TP63: variants seen among roughly 807,000 people sequenced by gnomAD.
TP63 encodes the protein tumor protein p63.
TP63 carries 17 observed loss-of-function variants against 82.8 expected under a neutral mutation model. That is an observed-to-expected ratio of 0.21 (90% CI 0.14 to 0.31). TP63 has a LOEUF of 0.31. Ranked by LOEUF, TP63 falls within the 10% of genes least tolerant of loss-of-function variation. The pLI is 1.00. For synonymous variants in TP63, 330 were observed against 321.7 expected, an observed-to-expected ratio of 1.03 and a Z score of -0.28; for missense variants, 648 against 895.3, an observed-to-expected ratio of 0.72 and a Z score of 3.52.
At chr3:189,671,051 AC>A (rs1212916095) in intron 1 of TP63, among the ~76,000 whole-genome samples, 3 of 152,048 alleles carry the variant, frequency 2.0e-5, no homozygotes, top group Non-Finnish European at 4.4e-5. Flanking sequence ...AAACTAAAAA[AC>A]TTGTGCACAG....
chr3:189,614,686 T>G, the TP63 span, among the ~76,000 whole-genome samples: 1 of 152,238 alleles, frequency 6.6e-6, no homozygotes, highest in African/African-American at 2.4e-5. Flanking sequence ...CAGAGGCTCA[T>G]GTGGAGTACA....
chr3:189,867,512 C>G (rs1348311232), intron 6 of TP63, among the ~76,000 whole-genome samples: 1 of 152,114 alleles, frequency 6.6e-6, no homozygotes, highest in African/African-American at 2.4e-5. Context: ...CCAGTTTTCC[C>G]TTTTCAGTGA....
Position 189,872,866 on chromosome 3 carries a change from G to A in TP63, c.1220G>A (p.Gly407Asp). The change falls in exon 10 of 14, where the codon GGC (glycine) becomes GAC (aspartate). Residue 407 changes from glycine (G) to aspartate (D), a missense_variant. By Grantham distance (94) the Gly-to-Asp change is moderately conservative. This residue lies in a region of TP63 where 342 missense variants were observed against 425.7 expected (regional missense o/e 0.80). Coordinates refer to ENST00000264731, the MANE Select transcript of TP63 (RefSeq NM_003722.5). ...DDELLYLPVR[G>D]RETYEMLLKI... ...TTCTGCTCACTTCCATAGGTGAGGG[G>A]CCGTGAGACTTATGAAATGCTGTTG... The A allele has an allele frequency of 6.2e-7, 1 of 1,614,098 alleles. No individual in the cohort carries two copies. Among genetic ancestry groups the A allele is most frequent in the African/African-American group, 1.3e-5 (1 of 75,032 alleles).
chr3:189,876,276 T>C (rs1483299888), intron 10 of TP63, among the ~76,000 whole-genome samples: 1 of 152,248 alleles, frequency 6.6e-6, no homozygotes, highest in Non-Finnish European at 1.5e-5. Flanking sequence ...TTTTATGGCA[T>C]ACATGAAAAT....
intron 4 of TP63, among the ~76,000 whole-genome samples, chr3:189,811,727 G>A (rs1177385909): frequency 1.3e-5 from 2 of 152,206 alleles, no homozygotes; most frequent in African/African-American, 4.8e-5. Flanking sequence ...GAAACTTGAA[G>A]ATGTAAAGGT....
At position 189,740,534 on chromosome 3, in the gene TP63, C is replaced by CT. The variant is rs1182051308; in HGVS notation, c.324+1761dup. On this transcript the variant is annotated intron_variant, in intron 3 of 13. Transcript: ENST00000264731. ...GTTTTTTTATGAGCAGGGTCTCCCT[C>CT]TGTCGCCCAGGTTGGAGTGCAGTGG... Among the ~76,000 whole-genome samples, 5 of 146,212 alleles carry CT rather than the reference C, an allele frequency of 3.4e-5. 1 individual carries two copies. The East Asian group carries it at 1.2e-3, about 34-fold the overall frequency.
At chr3:189,637,890 T>C (rs1239710775) in intron 1 of TP63, among the ~76,000 whole-genome samples, 1 of 152,144 alleles carries the variant, frequency 6.6e-6, no homozygotes, top group Non-Finnish European at 1.5e-5. Flanking sequence ...GGGCACCATG[T>C]AATCACAAGA....
At position 189,895,794 on chromosome 3, in the gene TP63, G is replaced by A. The variant is rs1721422796; in HGVS notation, c.*1292G>A. The A allele has an allele frequency of 4.4e-6, 1 of 226,440 alleles. No individual in the cohort carries two copies. The highest frequency in any genetic ancestry group is 8.8e-6 in the Non-Finnish European group (1 of 113,996). The allele number at this position is 226,440 out of a possible 1,614,324, so 14.0% of individuals were successfully genotyped here. ...CTTTCTCTCTCTAAGGTTTACAATA[G>A]GAGTGGTGATTTGAAAAATATAAAA... On this transcript the variant is annotated 3_prime_UTR_variant, in exon 14 of 14. Coordinates refer to ENST00000264731, the MANE Select transcript of TP63 (RefSeq NM_003722.5).
At chr3:189,700,151 G>A (rs1190628266) in intron 1 of TP63, among the ~76,000 whole-genome samples, 1 of 152,126 alleles carries the variant, frequency 6.6e-6, no homozygotes, top group Non-Finnish European at 1.5e-5. Flanking sequence ...ATAACTTGAG[G>A]TTAAATGCCT....
At chr3:189,804,719 C>T (rs1283153569) in intron 3 of TP63, among the ~76,000 whole-genome samples, 1 of 152,064 alleles carries the variant, frequency 6.6e-6, no homozygotes, top group Non-Finnish European at 1.5e-5. Flanking sequence ...AATGGATTTC[C>T]AGTCATTCAG....
rs1297236110 is a variant in TP63 at position 189,752,342 on chromosome 3, T to G, written c.324+13568T>G. 5.9e-5 allele frequency among the ~76,000 whole-genome samples: 9 copies of G among 152,100 alleles called. No homozygotes were observed. In the South Asian group the frequency reaches 1.2e-3, roughly 21 times the overall value. On this transcript the variant is annotated intron_variant, in intron 3 of 13. Transcript: ENST00000264731. The stretch of plus-strand genomic sequence containing the variant: ...GCATGTGCCACCATACCCGGCTAAC[T>G]TTTTGTAGTTTTTTTGTAGAGATGG...
intron 1 of TP63, among the ~76,000 whole-genome samples, chr3:189,729,377 A>G (rs1232900356): frequency 1.3e-5 from 2 of 152,202 alleles, no homozygotes; most frequent in African/African-American, 4.8e-5. Context: ...TCATGGAAGA[A>G]GCAAGCCGTG....
intron 4 of TP63, among the ~76,000 whole-genome samples, chr3:189,808,744 T>A (rs1217449610): frequency 6.6e-6 from 1 of 152,240 alleles, no homozygotes; most frequent in African/African-American, 2.4e-5. Flanking sequence ...AGCCAGCTCC[T>A]GGCAACTTCA....
At chr3:189,820,040 C>T (rs1728637833) in intron 4 of TP63, among the ~76,000 whole-genome samples, 1 of 152,162 alleles carries the variant, frequency 6.6e-6, no homozygotes, top group Non-Finnish European at 1.5e-5. Context: ...TGAGCCACCA[C>T]GCCCAGCCCT....
In TP63 at chr3:189,794,353, G is replaced by A. The variant is rs376928095; in HGVS notation, c.325-13919G>A. Reference sequence around the variant, plus strand: ...AATTATAATACAGGAGAGATTTTAAGTGTGTGAGCAAGATAATATAAAGCA... The same window carrying A: ...AATTATAATACAGGAGAGATTTTAAATGTGTGAGCAAGATAATATAAAGCA... On this transcript the variant is annotated intron_variant, in intron 3 of 13. Coordinates refer to ENST00000264731, the MANE Select transcript of TP63 (RefSeq NM_003722.5). Among the ~76,000 whole-genome samples, 19 of 152,146 alleles carry A rather than the reference G, an allele frequency of 1.2e-4. 1 individual carries two copies. The South Asian group carries it at 3.3e-3, about 27-fold the overall frequency.
At chr3:189,863,082 C>A (rs754332722) in intron 4 of TP63, among the ~76,000 whole-genome samples, 17 of 152,192 alleles carry the variant, frequency 1.1e-4, no homozygotes, top group Non-Finnish European at 1.8e-4. Context: ...TAGGGTGGGA[C>A]ATATCAGTAA....
intron 12 of TP63, 66 bp from the exon 13 acceptor site, chr3:189,890,723 G>A (rs552259799): frequency 2.7e-5 from 40 of 1,470,926 alleles, no homozygotes; most frequent in Admixed American, 6.8e-5. Flanking sequence ...CCCTTATCTC[G>A]CCAATGCAGT....
chr3:189,720,578 T>C (rs1577300144), intron 1 of TP63, among the ~76,000 whole-genome samples: 1 of 150,892 alleles, frequency 6.6e-6, no homozygotes, highest in African/African-American at 2.4e-5. Flanking sequence ...CTACGAAAAA[T>C]ACAAAATTAG....
At chr3:189,599,222 T>C in the TP63 span, among the ~76,000 whole-genome samples, 1 of 152,218 alleles carries the variant, frequency 6.6e-6, no homozygotes, top group East Asian at 1.9e-4. Context: ...TACTCTTTGT[T>C]CTTAGAATCT....
Sources: allele counts gnomAD v4.1 joint callset (sites outside exome capture counted in the v4.1 genomes callset), GRCh38; gene constraint gnomAD v4.1.1; regional missense constraint gnomAD v4.1.1; transcripts MANE v1.5; gene names NCBI Gene and HGNC (gene_info 2026-07-23, HGNC 2026-07-21).